Variants in TMTC2 observed in about 807,000 individuals in gnomAD.
TMTC2 encodes the protein protein O-mannosyl-transferase TMTC2.
A neutral mutation model predicts 82.4 loss-of-function variants in TMTC2; 43 were observed. The observed-to-expected ratio is 0.52, with a 90% CI of 0.41 to 0.67. The LOEUF (loss-of-function observed/expected upper bound fraction) is 0.67, where lower values mean the gene tolerates loss of function less well. TMTC2 is among the 30% of genes least tolerant of loss of function. TMTC2 has a pLI of 0.00. For missense variants in TMTC2, 919 were observed against 1,012.4 expected (o/e 0.91, Z 1.25); for synonymous variants, 408 against 381.9 (o/e 1.07, Z -0.80).
chr12:82,818,912 G>C (rs1868909044), intron 1 of TMTC2, among the ~76,000 whole-genome samples: 1 of 152,080 alleles, frequency 6.6e-6, no homozygotes, highest in African/African-American at 2.4e-5. Flanking sequence ...AATACTTGTA[G>C]TGGATAAGCT....
At chr12:83,128,824 G>C (rs1157971498) in intron 11 of TMTC2, among the ~76,000 whole-genome samples, 4 of 152,222 alleles carry the variant, frequency 2.6e-5, no homozygotes, top group African/African-American at 9.6e-5. Flanking sequence ...GATGTAGAGG[G>C]GAGACATGAC....
intron 1 of TMTC2, among the ~76,000 whole-genome samples, chr12:82,824,013 C>G (rs527613651): frequency 3.3e-5 from 5 of 151,952 alleles, no homozygotes; most frequent in African/African-American, 1.2e-4. Context: ...TGTGCCTCAG[C>G]CTCTCAAGTA....
At chr12:82,965,477 A>G in intron 5 of TMTC2, 83 bp from the exon 6 acceptor site, 1 of 1,487,558 alleles carries the variant, frequency 6.7e-7, no homozygotes, top group Non-Finnish European at 9.2e-7. Flanking sequence ...AAACCATAGA[A>G]ACCAAATTGA....
intron 1 of TMTC2, among the ~76,000 whole-genome samples, chr12:82,752,051 T>G (rs1393613044): frequency 2.0e-5 from 3 of 152,170 alleles, no homozygotes; most frequent in African/African-American, 7.2e-5. Context: ...TAATTTGCAG[T>G]CTGTATTTAA....
chr12:82,755,093 A>G (rs1876226964), intron 1 of TMTC2, among the ~76,000 whole-genome samples: 1 of 152,250 alleles, frequency 6.6e-6, no homozygotes, highest in Non-Finnish European at 1.5e-5. Context: ...TCCAACTTGA[A>G]GTTGCTTTGA....
chr12:82,749,510 G>C (rs903544471), intron 1 of TMTC2, among the ~76,000 whole-genome samples: 2 of 151,318 alleles, frequency 1.3e-5, no homozygotes, highest in African/African-American at 4.9e-5. Context: ...TTTTTAATTT[G>C]GTATAAAAGC....
chr12:82,736,867 C>T (rs1056643626), intron 1 of TMTC2, among the ~76,000 whole-genome samples: 1 of 152,128 alleles, frequency 6.6e-6, no homozygotes, highest in African/African-American at 2.4e-5. Context: ...TAATGAATAT[C>T]CCAGTTATAG....
At chr12:83,077,880 CTTT>C (rs751044763) in intron 11 of TMTC2, among the ~76,000 whole-genome samples, 1 of 92,964 alleles carries the variant, frequency 1.1e-5, no homozygotes, top group Non-Finnish European at 2.0e-5. Context: ...GACAATCTGT[CTTT>C]TTTTTTTTTT....
chr12:82,859,356 G>T (rs7308630), intron 2 of TMTC2, among the ~76,000 whole-genome samples: 2 of 152,076 alleles, frequency 1.3e-5, no homozygotes, highest in Admixed American at 1.3e-4. Context: ...GTGAGCCACC[G>T]CACCCGGTTG....
chr12:82,965,950 TA>T (rs1320965929), intron 6 of TMTC2: 4 of 568,612 alleles, frequency 7.0e-6, no homozygotes, highest in Non-Finnish European at 1.2e-5. Context: ...TTCTGCTAAA[TA>T]AAAATTTAAT....
chr12:82,997,750 C>T (rs996674627), intron 8 of TMTC2, among the ~76,000 whole-genome samples: 13 of 151,366 alleles, frequency 8.6e-5, no homozygotes, highest in African/African-American at 1.9e-4. Flanking sequence ...ATATATTCCA[C>T]GTAATATAAT....
At chr12:83,038,854 A>T (rs1881773796) in intron 9 of TMTC2, among the ~76,000 whole-genome samples, 1 of 150,990 alleles carries the variant, frequency 6.6e-6, no homozygotes, top group Non-Finnish European at 1.5e-5. Flanking sequence ...TCTATTTTAA[A>T]TTTTCTATAA....
chr12:82,932,368 C>G (rs1278379727), intron 4 of TMTC2, among the ~76,000 whole-genome samples: 1 of 152,002 alleles, frequency 6.6e-6, no homozygotes, highest in Non-Finnish European at 1.5e-5. Flanking sequence ...ACCTGGAATT[C>G]TTTCACATGA....
intron 1 of TMTC2, among the ~76,000 whole-genome samples, chr12:82,798,807 C>CAAAAAAAAAAAAAA (rs544522111): frequency 1.1e-5 from 1 of 88,380 alleles, no homozygotes; most frequent in Non-Finnish European, 2.3e-5. Flanking sequence ...AACTCCGTCT[C>CAAAAAAAAAAAAAA]AAAAAAAAAA....
At chr12:82,876,037 T>TGGTGGTGGC (rs1872486543) in intron 2 of TMTC2, among the ~76,000 whole-genome samples, 3 of 97,196 alleles carry the variant, frequency 3.1e-5, no homozygotes, top group Non-Finnish European at 5.9e-5. Flanking sequence ...GCGGTGGTGG[T>TGGTGGTGGC]GGTGGTGGTG....
intron 1 of TMTC2, among the ~76,000 whole-genome samples, chr12:82,710,475 G>T (rs892747548): frequency 3.9e-5 from 6 of 152,148 alleles, no homozygotes; most frequent in Non-Finnish European, 7.4e-5. Context: ...GGCATAGGGT[G>T]CTGTCTTCCC....
intron 2 of TMTC2, among the ~76,000 whole-genome samples, chr12:82,869,445 T>C (rs1459804103): frequency 6.6e-6 from 1 of 152,136 alleles, no homozygotes; most frequent in Admixed American, 6.5e-5. Flanking sequence ...CCTCCTATAA[T>C]GACATTAAAT....
intron 9 of TMTC2, among the ~76,000 whole-genome samples, chr12:83,035,878 T>C (rs572100235): frequency 2.0e-5 from 3 of 152,284 alleles, no homozygotes; most frequent in African/African-American, 7.2e-5. Context: ...TTGGTGTCAA[T>C]TGAAACAATT....
intron 4 of TMTC2, among the ~76,000 whole-genome samples, chr12:82,952,121 G>A (rs1877383685): frequency 6.6e-6 from 1 of 151,940 alleles, no homozygotes; most frequent in South Asian, 2.1e-4. Flanking sequence ...TTTCTGAGAT[G>A]AAAATCCTAC....
Sources: gnomAD v4.1 joint callset for allele counts (sites outside exome capture counted in the v4.1 genomes callset) on GRCh38, gnomAD v4.1.1 for gene constraint, MANE v1.5 for transcripts, NCBI Gene and HGNC (gene_info 2026-07-23, HGNC 2026-07-21) for gene names.